ANO2: variants seen among roughly 807,000 people sequenced by gnomAD.
The protein encoded by ANO2 is anoctamin-2.
A neutral mutation model predicts 124.2 loss-of-function variants in ANO2; 101 were observed. The ratio of observed to expected loss-of-function variants is 0.81; its 90% CI spans 0.69 to 0.96. The LOEUF is 0.96. Among genes scored for constraint, ANO2 ranks in the 40% least tolerant of loss-of-function variants. ANO2 has a pLI of 0.00. For missense variants in ANO2, 1,293 were observed against 1,274.5 expected, an observed-to-expected ratio of 1.01 and a Z score of -0.22; for synonymous variants, 486 against 482.5, an observed-to-expected ratio of 1.01 and a Z score of -0.09.
At chr12:5,933,355 T>G (rs1029922052) in intron 1 of ANO2, among the ~76,000 whole-genome samples, 3 of 152,114 alleles carry the variant, frequency 2.0e-5, no homozygotes, top group East Asian at 3.8e-4. Context: ...CCACCCCAAA[T>G]TCCACTCTGT....
At chr12:5,762,523 G>A (rs942264003) in intron 10 of ANO2, among the ~76,000 whole-genome samples, 2 of 151,932 alleles carry the variant, frequency 1.3e-5, no homozygotes, top group Non-Finnish European at 2.9e-5. Context: ...AGGAAAGTAA[G>A]ATGTTAAATG....
At chr12:5,588,920 T>C (rs941139584) in intron 20 of ANO2, among the ~76,000 whole-genome samples, 1 of 152,134 alleles carries the variant, frequency 6.6e-6, no homozygotes, top group Non-Finnish European at 1.5e-5. Context: ...CACTGCTAGA[T>C]AGAAGCAGAG....
At chr12:5,851,573 T>C (rs1329342407) in intron 4 of ANO2, among the ~76,000 whole-genome samples, 11 of 151,092 alleles carry the variant, frequency 7.3e-5, no homozygotes. Flanking sequence ...TAATCCCAGC[T>C]AATCGGGAAG....
rs138308796 is a variant in ANO2, at chr12:5,886,605, A to T, written c.535-32464T>A. On this transcript the variant is annotated intron_variant, in intron 3 of 24. Transcript: ENST00000682330. The stretch of plus-strand genomic sequence containing the variant: ...TACAAAATGAAATTTAAAGAATTAA[A>T]AAATAGAGGGACACAAAGAAACTTT... 3.1e-3 allele frequency among the ~76,000 whole-genome samples: 477 copies of T among 152,324 alleles called. 1 individual carries two copies. The highest frequency in any genetic ancestry group is 0.014 in the Middle Eastern group (4 of 294).
chr12:5,648,998 A>C (rs1946782320), intron 14 of ANO2, among the ~76,000 whole-genome samples: 1 of 152,200 alleles, frequency 6.6e-6, no homozygotes, highest in African/African-American at 2.4e-5. Flanking sequence ...TTCTTTCTAA[A>C]AATCCCTCTG....
intron 14 of ANO2, among the ~76,000 whole-genome samples, chr12:5,725,577 T>TG (rs1037719917): frequency 2.6e-5 from 4 of 152,180 alleles, no homozygotes; most frequent in African/African-American, 9.6e-5. Flanking sequence ...GAAGTAATGA[T>TG]GGGAGCCTGG....
intron 19 of ANO2, among the ~76,000 whole-genome samples, chr12:5,608,257 G>A (rs1408456405): frequency 2.0e-5 from 3 of 150,940 alleles, no homozygotes; most frequent in Non-Finnish European, 2.9e-5. Flanking sequence ...CTGATTTATT[G>A]AGAGTCGAAG....
intron 14 of ANO2, among the ~76,000 whole-genome samples, chr12:5,673,150 TC>T (rs1948088925): frequency 6.6e-6 from 1 of 152,176 alleles, no homozygotes; most frequent in Admixed American, 6.5e-5. Context: ...TCTTATTTTC[TC>T]CCTTTTTTAT....
intron 3 of ANO2, among the ~76,000 whole-genome samples, chr12:5,902,881 A>G (rs142730190): frequency 0.25 from 133 of 522 alleles, 4 homozygotes; most frequent in Middle Eastern, 0.5. Context: ...GGGAGGGGAG[A>G]GGAGGGGAGG....
At chr12:5,929,177 TTAC>T (rs1473803021) in intron 1 of ANO2, among the ~76,000 whole-genome samples, 5 of 126,104 alleles carry the variant, frequency 4.0e-5, no homozygotes, top group Non-Finnish European at 8.1e-5. Context: ...TCTTCCTTCC[TTAC>T]TAGTCTACCT....
intron 14 of ANO2, among the ~76,000 whole-genome samples, chr12:5,721,837 AC>A (rs999711275): frequency 1.3e-5 from 2 of 151,962 alleles, no homozygotes; most frequent in African/African-American, 4.8e-5. Flanking sequence ...CTGTTCCCAA[AC>A]TTTCTTGGTT....
chr12:5,824,241 G>T (rs780468410), intron 7 of ANO2, among the ~76,000 whole-genome samples: 2 of 152,196 alleles, frequency 1.3e-5, no homozygotes, highest in Non-Finnish European at 2.9e-5. Flanking sequence ...AGAAAAATGG[G>T]TTTTTCTTTT....
At chr12:5,639,095 G>T (rs1047676090) in intron 15 of ANO2, among the ~76,000 whole-genome samples, 1 of 152,164 alleles carries the variant, frequency 6.6e-6, no homozygotes, top group Non-Finnish European at 1.5e-5. Flanking sequence ...ACAGAAAAAA[G>T]TTTTGGGACA....
chr12:5,595,978 T>C (rs1943640393), intron 20 of ANO2, among the ~76,000 whole-genome samples: 1 of 152,252 alleles, frequency 6.6e-6, no homozygotes, highest in Non-Finnish European at 1.5e-5. Flanking sequence ...CCTGGGTGAA[T>C]TGTTCTTATT....
At chr12:5,811,030 G>T (rs753863020) in intron 7 of ANO2, among the ~76,000 whole-genome samples, 5 of 152,232 alleles carry the variant, frequency 3.3e-5, no homozygotes, top group Non-Finnish European at 7.3e-5. Context: ...CCAAAGCACA[G>T]AAGTTTATGG....
At chr12:5,944,032 G>A (rs1652861194) in intron 1 of ANO2, among the ~76,000 whole-genome samples, 1 of 152,204 alleles carries the variant, frequency 6.6e-6, no homozygotes, top group African/African-American at 2.4e-5. Flanking sequence ...TACCCACATA[G>A]AGGCAACTCA....
chr12:5,694,758 G>C (rs1565577649), intron 14 of ANO2, among the ~76,000 whole-genome samples: 1 of 152,134 alleles, frequency 6.6e-6, no homozygotes, highest in Admixed American at 6.5e-5. Flanking sequence ...TTGTTTGTTT[G>C]TTTTTTAACT....
Position 5,755,412 on chromosome 12 carries a change from T to C in ANO2, c.1056-4442A>G, listed in dbSNP as rs984815152. 2.7e-5 allele frequency among the ~76,000 whole-genome samples: 4 copies of C among 150,862 alleles called. No homozygotes were observed. In the East Asian group the frequency reaches 7.7e-4, roughly 29 times the overall value. On this transcript the variant is annotated intron_variant, in intron 10 of 24. Transcript: ENST00000682330. ...TTTTATTTATTTATTTATTTATTTA[T>C]ATTTTTATTATACTTTAAGTTCTAG...
chr12:5,797,955 C>T (rs544358025), intron 10 of ANO2, among the ~76,000 whole-genome samples: 50 of 152,306 alleles, frequency 3.3e-4, no homozygotes, highest in African/African-American at 1.2e-3. Flanking sequence ...TGGCCAAAAC[C>T]GAGTGCATAT....
Sources: allele counts gnomAD v4.1 joint callset (sites outside exome capture counted in the v4.1 genomes callset), GRCh38; gene constraint gnomAD v4.1.1; transcripts MANE v1.5; gene names NCBI Gene and HGNC (gene_info 2026-07-23, HGNC 2026-07-21).